The following MCM5 variants were observed in gnomAD, a reference collection of about 807,000 sequenced individuals.
The protein encoded by MCM5 is minichromosome maintenance complex component 5.
MCM5 carries 46 observed loss-of-function variants against 79.9 expected under a neutral mutation model. That is an observed-to-expected ratio of 0.58 (90% confidence interval 0.45 to 0.74). The LOEUF is 0.74. MCM5 is among the 30% of genes least tolerant of loss of function. The pLI, the probability that MCM5 is intolerant of heterozygous loss-of-function variation, is 0.00. For synonymous variants in MCM5, 404 were observed against 390.5 expected (o/e 1.03, Z -0.41); for missense variants, 883 against 1,017.0 (o/e 0.87, Z 1.79).
chr22:35,447,366 G>A, the MCM5 span, among the ~76,000 whole-genome samples: 2 of 152,194 alleles, frequency 1.3e-5, no homozygotes, highest in Non-Finnish European at 2.9e-5. Context: ...ATGGCTTAGC[G>A]ATGCCCGAGA....
At chr22:35,434,996 C>A in the MCM5 span, among the ~76,000 whole-genome samples, 1 of 152,084 alleles carries the variant, frequency 6.6e-6, no homozygotes, top group Non-Finnish European at 1.5e-5. Flanking sequence ...TACTAAAATA[C>A]AAAAATTAGC....
At chr22:35,433,815 G>A in the MCM5 span, among the ~76,000 whole-genome samples, 251 of 152,292 alleles carry the variant, frequency 1.6e-3, no homozygotes, top group African/African-American at 3.1e-3. Context: ...CTGGGCCGGG[G>A]ACTGGAGCCT....
At chr22:35,403,724 A>T (rs1932130479) in intron 4 of MCM5, among the ~76,000 whole-genome samples, 182 bp downstream of exon 4, 1 of 152,238 alleles carries the variant, frequency 6.6e-6, no homozygotes. Context: ...ACCCAAAAGC[A>T]GAGAGTAGTA....
At chr22:35,419,445 C>T (rs1269437558) in intron 13 of MCM5, among the ~76,000 whole-genome samples, 1 of 152,212 alleles carries the variant, frequency 6.6e-6, no homozygotes, top group Non-Finnish European at 1.5e-5. Flanking sequence ...CTGTGGGTGT[C>T]ATCAGCTTGT....
chr22:35,406,318 C>T (rs1180751898), intron 4 of MCM5, among the ~76,000 whole-genome samples: 36 of 130,026 alleles, frequency 2.8e-4, no homozygotes, highest in African/African-American at 9.3e-4. Flanking sequence ...AATTGTGCTG[C>T]GAGGTCTTTA....
the MCM5 span, among the ~76,000 whole-genome samples, chr22:35,445,325 CTTTT>C: frequency 1.2e-5 from 1 of 83,628 alleles, no homozygotes; most frequent in South Asian, 4.4e-4. Context: ...TTTGACTATG[CTTTT>C]TTTTTTTTTT....
chr22:35,454,518 G>T, the MCM5 span, among the ~76,000 whole-genome samples: 1 of 152,030 alleles, frequency 6.6e-6, no homozygotes, highest in Non-Finnish European at 1.5e-5. Context: ...CTGTGACACA[G>T]ACATGACACC....
chr22:35,453,819 T>TATAGAGAGAG, the MCM5 span, among the ~76,000 whole-genome samples: 1,237 of 81,436 alleles, frequency 0.015, 12 homozygotes, highest in Middle Eastern at 0.03. Flanking sequence ...TATATATATA[T>TATAGAGAGAG]AGAGAGAGAG....
In MCM5 at chr22:35,417,761, C is replaced by T; in HGVS notation, c.1608C>T (p.Val536=). 1.2e-6 allele frequency: 2 copies of T among 1,613,814 alleles called. No homozygotes were observed. Among genetic ancestry groups the T allele is most frequent in the South Asian group, 1.1e-5 (1 of 91,036 alleles). Residue 536 remains valine (V), a synonymous_variant, in exon 13 of 17, where the codon GTC becomes GTT. Coordinates refer to ENST00000216122, the MANE Select transcript of MCM5 (RefSeq NM_006739.4). ...CTCTCCAGATGCTGGCCAAGCATGT[C>T]ATCACTCTGCACGTGAGCGCACTGA... is the stretch of plus-strand genomic sequence containing the variant. The part of the protein sequence containing the change: ...EERDVMLAKH[V]ITLHVSALTQ...
Position 35,408,569 on chromosome 22 carries a change from G to A in MCM5, c.752+6G>A, listed in dbSNP as rs201997370. ...ATGCAGCTCTACTGCGACAGGTGAG[G>A]CAGACGGGCTGGGAGGTGGGCATCT... On this transcript the variant is annotated splice_donor_region_variant and intron_variant, in intron 6 of 16. Transcript: ENST00000216122. 6.2e-7 allele frequency: 1 copy of A among 1,602,284 alleles called. No homozygotes were observed. Among genetic ancestry groups the A allele is most frequent in the African/African-American group, 1.3e-5 (1 of 74,780 alleles).
chr22:35,410,850 G>C lies in MCM5; in HGVS notation c.859G>C (p.Val287Leu). Reference protein sequence around the residue: ...TTSRGRDRVGVGIRSSYIRVL... With the variant: ...TTSRGRDRVGLGIRSSYIRVL... ...CAGCAGGGGCCGTGACAGGGTGGGC[G>C]TGGGCATCCGAAGCTCCTACATCCG... The change falls in exon 7 of 17, where the codon GTG becomes CTG. Residue 287 changes from valine to leucine, a missense_variant. By Grantham distance (32) the Val-to-Leu change is conservative. Around this residue, in one of 3 missense-constraint regions of MCM5, gnomAD observed 455 missense variants for 517.5 expected, o/e 0.88. Coordinates refer to ENST00000216122, the MANE Select transcript of MCM5 (RefSeq NM_006739.4). 1 of 1,613,702 alleles carries C rather than the reference G, an allele frequency of 6.2e-7. No homozygotes were observed. Among genetic ancestry groups the C allele is most frequent in the Admixed American group, 1.7e-5 (1 of 60,012 alleles).
chr22:35,422,332 G>A (rs1188445476), intron 15 of MCM5: 1 of 152,626 alleles, frequency 6.6e-6, no homozygotes. Flanking sequence ...GCAAGGAGGT[G>A]ATGCCAAGCA....
At chr22:35,440,384 G>C in the MCM5 span, among the ~76,000 whole-genome samples, 1 of 152,328 alleles carries the variant, frequency 6.6e-6, no homozygotes, top group South Asian at 2.1e-4. Context: ...TCTCTGAAAT[G>C]GGAGCATTGA....
the MCM5 span, among the ~76,000 whole-genome samples, chr22:35,439,553 C>T: frequency 6.6e-6 from 1 of 152,114 alleles, no homozygotes; most frequent in Admixed American, 6.6e-5. Flanking sequence ...CCAACAAATA[C>T]TGAACACAAT....
chr22:35,435,026 C>T, the MCM5 span, among the ~76,000 whole-genome samples: 2 of 152,210 alleles, frequency 1.3e-5, no homozygotes, highest in Admixed American at 6.5e-5. Flanking sequence ...TGGCAGGTGC[C>T]TGTAGTCCCA....
chr22:35,404,512 T>A (rs145576550), intron 4 of MCM5, among the ~76,000 whole-genome samples: 164 of 143,348 alleles, frequency 1.1e-3, no homozygotes, highest in African/African-American at 4.0e-3. Context: ...AAGCTGGAAG[T>A]TAGATGCAAA....
the MCM5 span, among the ~76,000 whole-genome samples, chr22:35,453,974 G>T: frequency 6.6e-6 from 1 of 151,670 alleles, no homozygotes; most frequent in East Asian, 2.0e-4. Flanking sequence ...GCTGCCACCA[G>T]CCCGCTCTCC....
At chr22:35,418,073 G>A (rs1362232422) in intron 13 of MCM5, among the ~76,000 whole-genome samples, 2 of 152,172 alleles carry the variant, frequency 1.3e-5, no homozygotes, top group African/African-American at 2.4e-5. Flanking sequence ...CAAGGAGGTG[G>A]GATTTAGATG....
chr22:35,454,495 CG>C, the MCM5 span, among the ~76,000 whole-genome samples: 103,818 of 151,802 alleles, frequency 0.68, 36,071 homozygotes, highest in Middle Eastern at 0.73. Flanking sequence ...AGGTCTTCAT[CG>C]GCAAGAGGTT....
Sources: gnomAD v4.1 joint callset for allele counts (sites outside exome capture counted in the v4.1 genomes callset) on GRCh38, gnomAD v4.1.1 for gene constraint, gnomAD v4.1.1 regional missense constraint, MANE v1.5 for transcripts, NCBI Gene and HGNC (gene_info 2026-07-23, HGNC 2026-07-21) for gene names.